The following ROBO2 variants were observed in gnomAD, a reference collection of about 807,000 sequenced individuals.
The protein encoded by ROBO2 is roundabout guidance receptor 2.
ROBO2 carries 53 observed loss-of-function variants against 160.8 expected under a neutral mutation model. The observed-to-expected ratio is 0.33, with a 90% CI of 0.26 to 0.41. ROBO2 has a LOEUF of 0.41. Ranked by LOEUF, ROBO2 falls within the 10% of genes least tolerant of loss-of-function variation. The pLI, the probability that ROBO2 is intolerant of heterozygous loss-of-function variation, is 1.00. For missense variants in ROBO2, 1,577 were observed against 1,722.4 expected (o/e 0.92, Z 1.49); for synonymous variants, 664 against 611.7 (o/e 1.09, Z -1.26).
At chr3:77,495,710 T>C (rs1278112818) in intron 5 of ROBO2, among the ~76,000 whole-genome samples, 1 of 152,194 alleles carries the variant, frequency 6.6e-6, no homozygotes, top group African/African-American at 2.4e-5. Context: ...AGAAATGACA[T>C]GCTCTTCTTA....
At chr3:77,198,933 A>T (rs571738169) in intron 2 of ROBO2, among the ~76,000 whole-genome samples, 224 of 152,168 alleles carry the variant, frequency 1.5e-3, no homozygotes, top group African/African-American at 5.1e-3. Context: ...AAAGAAAGAC[A>T]TTTTATTTTA....
intron 2 of ROBO2, among the ~76,000 whole-genome samples, chr3:76,378,493 A>C (rs753385889): frequency 6.6e-6 from 1 of 152,212 alleles, no homozygotes; most frequent in Non-Finnish European, 1.5e-5. Flanking sequence ...GAGATCAAGT[A>C]TCATCCCTCC....
chr3:77,532,840 A>C (rs2091846208), intron 6 of ROBO2, among the ~76,000 whole-genome samples: 1 of 151,800 alleles, frequency 6.6e-6, no homozygotes, highest in African/African-American at 2.4e-5. Flanking sequence ...ATTGTATATA[A>C]TTTCATTTAG....
intron 2 of ROBO2, among the ~76,000 whole-genome samples, chr3:76,982,034 T>C (rs1029889404): frequency 6.6e-6 from 1 of 152,138 alleles, no homozygotes; most frequent in Non-Finnish European, 1.5e-5. Flanking sequence ...GGGATAAATA[T>C]CCAGATGATA....
At chr3:76,670,321 G>T (rs1417077894) in intron 2 of ROBO2, among the ~76,000 whole-genome samples, 4 of 145,900 alleles carry the variant, frequency 2.7e-5, no homozygotes, top group South Asian at 4.3e-4. Context: ...CCTGTAGTAG[G>T]TTTTTTTTTT....
chr3:76,441,087 A>G (rs1236358602), intron 2 of ROBO2, among the ~76,000 whole-genome samples: 4 of 152,178 alleles, frequency 2.6e-5, no homozygotes, highest in Non-Finnish European at 5.9e-5. Flanking sequence ...GATAAAATTC[A>G]AAATGTTGAT....
intron 2 of ROBO2, among the ~76,000 whole-genome samples, chr3:76,722,221 C>T (rs919305861): frequency 2.6e-5 from 4 of 152,112 alleles, no homozygotes; most frequent in South Asian, 2.1e-4. Context: ...TTGTGTTTCA[C>T]GCCGTTCTTC....
intron 2 of ROBO2, among the ~76,000 whole-genome samples, chr3:76,736,019 C>G (rs573761884): frequency 6.6e-6 from 1 of 151,914 alleles, no homozygotes; most frequent in East Asian, 1.9e-4. Context: ...CGCGGTGGCT[C>G]ACACCTGTAA....
chr3:76,003,892 A>G (rs2065953221), intron 2 of ROBO2, among the ~76,000 whole-genome samples: 1 of 152,250 alleles, frequency 6.6e-6, no homozygotes, highest in East Asian at 1.9e-4. Flanking sequence ...GAGATGCCCT[A>G]TATAGCTACT....
intron 2 of ROBO2, among the ~76,000 whole-genome samples, chr3:76,996,544 G>T (rs1472956313): frequency 1.3e-5 from 2 of 152,154 alleles, no homozygotes; most frequent in Non-Finnish European, 2.9e-5. Flanking sequence ...ACCTTGGACG[G>T]TATGGCTATT....
chr3:77,455,371 C>T (rs1582090806), intron 2 of ROBO2, among the ~76,000 whole-genome samples: 1 of 152,116 alleles, frequency 6.6e-6, no homozygotes. Context: ...AAAATATAAT[C>T]GCTGACATGT....
At chr3:76,961,265 A>AAAC (rs1276333639) in intron 2 of ROBO2, among the ~76,000 whole-genome samples, 1 of 151,820 alleles carries the variant, frequency 6.6e-6, no homozygotes, top group African/African-American at 2.4e-5. Flanking sequence ...AAAAAAAAAA[A>AAAC]AAACACTAGT....
intron 2 of ROBO2, among the ~76,000 whole-genome samples, chr3:76,133,156 C>T (rs2071294193): frequency 6.6e-6 from 1 of 151,956 alleles, no homozygotes; most frequent in South Asian, 2.1e-4. Context: ...TCTAAAACAG[C>T]AAAATATGAC....
chr3:76,880,140 A>T (rs2073185265), intron 2 of ROBO2, among the ~76,000 whole-genome samples: 1 of 152,126 alleles, frequency 6.6e-6, no homozygotes, highest in African/African-American at 2.4e-5. Context: ...TGGTCAGAAC[A>T]GTCCTTTAAT....
intron 2 of ROBO2, among the ~76,000 whole-genome samples, chr3:77,265,327 A>C (rs765350581): frequency 2.6e-5 from 4 of 152,188 alleles, no homozygotes; most frequent in Non-Finnish European, 4.4e-5. Flanking sequence ...ATTAGTCACT[A>C]GCCTCCTTAT....
chr3:77,542,100 C>T (rs758494055), intron 6 of ROBO2, among the ~76,000 whole-genome samples: 2 of 152,216 alleles, frequency 1.3e-5, no homozygotes, highest in African/African-American at 2.4e-5. Flanking sequence ...AGACCATTTT[C>T]ACTGCCACCT....
At chr3:76,860,835 G>T (rs1020362630) in intron 2 of ROBO2, among the ~76,000 whole-genome samples, 1 of 152,040 alleles carries the variant, frequency 6.6e-6, no homozygotes, top group Non-Finnish European at 1.5e-5. Flanking sequence ...TAAACAAGAC[G>T]CCTTTTCTCT....
At chr3:76,410,801 C>T (rs146799892) in intron 2 of ROBO2, among the ~76,000 whole-genome samples, 1 of 152,236 alleles carries the variant, frequency 6.6e-6, no homozygotes, top group East Asian at 1.9e-4. Context: ...CTATAGCAAT[C>T]TTCACTCTGT....
In ROBO2 at chr3:76,622,241, A is replaced by AGAAAGAAAGAAAGAAAGAAG. The variant is rs2089202168; in HGVS notation, c.110-475754_110-475753insGGAAAGAAAGAAAGAAAGAA. Among the ~76,000 whole-genome samples the AGAAAGAAAGAAAGAAAGAAG allele has an allele frequency of 1.4e-3, 53 of 37,446 alleles. 3 individuals are homozygous for AGAAAGAAAGAAAGAAAGAAG. In the South Asian group the frequency reaches 0.016, roughly 11 times the overall value. The allele number at this position is 37,446 out of a possible 152,430, so 24.6% of individuals were successfully genotyped here. A position where few individuals can be genotyped will look rare whatever the true frequency, so the allele number is the denominator to read the frequency against. The stretch of plus-strand genomic sequence containing the variant: ...AAGGAAGGAAGGAAGGAAGGAAGAA[A>AGAAAGAAAGAAAGAAAGAAG]GAAAGAAAGAAAGAAAGAAAGAAAG... On this transcript the variant is annotated intron_variant, in intron 2 of 26. Coordinates refer to the ROBO2 transcript ENST00000487694.
Sources: allele counts gnomAD v4.1 joint callset (sites outside exome capture counted in the v4.1 genomes callset), GRCh38; gene constraint gnomAD v4.1.1; transcripts MANE v1.5; gene names NCBI Gene and HGNC (gene_info 2026-07-23, HGNC 2026-07-21).